EPHX1: variants seen among roughly 807,000 people sequenced by gnomAD.
EPHX1 encodes the protein epoxide hydrolase 1, also known as epoxide hydratase.
In EPHX1, 40 loss-of-function variants were observed where a neutral mutation model predicts 43.2. The ratio of observed to expected loss-of-function variants is 0.93; its 90% CI spans 0.72 to 1.21. EPHX1 has a LOEUF of 1.21. EPHX1 is among the 50% of genes most tolerant of loss of function. EPHX1 has a pLI of 0.00. For missense variants in EPHX1, 550 were observed against 570.4 expected (o/e 0.96, Z 0.36); for synonymous variants, 221 against 226.7 (o/e 0.98, Z 0.22).
At chr1:225,844,442 T>C (rs1668737388) in intron 7 of EPHX1, 56 bp from the exon 8 acceptor site, 1 of 1,613,498 alleles carries the variant, frequency 6.2e-7, no homozygotes, top group Non-Finnish European at 8.5e-7. Context: ...TGGCTGCCCT[T>C]TGTCACACAA....
intron 1 of EPHX1, among the ~76,000 whole-genome samples, chr1:225,819,318 T>C (rs1666877206): frequency 6.6e-6 from 1 of 151,574 alleles, no homozygotes; most frequent in Admixed American, 6.6e-5. Flanking sequence ...GGCAGGAGAC[T>C]TGCTTGAACC....
chr1:225,814,959 TAAGAG>T (rs1258816583), intron 1 of EPHX1, among the ~76,000 whole-genome samples: 1 of 152,278 alleles, frequency 6.6e-6, no homozygotes, highest in Non-Finnish European at 1.5e-5. Flanking sequence ...CCTGCAGTGA[TAAGAG>T]AAGACTGACT....
chr1:225,839,910 C>A lies in EPHX1; in HGVS notation c.804C>A (p.Phe268Leu). Residue 268 changes from phenylalanine (F) to leucine (L), a missense_variant, in exon 6 of 9, where the codon TTC becomes TTA. Coordinates refer to ENST00000272167, the MANE Select transcript of EPHX1 (RefSeq NM_001136018.4). ...STLTLLLGQRFGRFLGLTERD... is the reference protein window; with the variant it reads ...STLTLLLGQRLGRFLGLTERD... ...TGACCCTCCTCCTGGGACAGCGTTT[C>A]GGGAGGTTTCTTGGCCTCACTGAGA... 6.2e-7 allele frequency: 1 copy of A among 1,614,214 alleles called. No homozygotes were observed. Among genetic ancestry groups the A allele is most frequent in the Non-Finnish European group, 8.5e-7 (1 of 1,180,038 alleles).
At chr1:225,833,925 C>A (rs1470923594) in intron 3 of EPHX1, among the ~76,000 whole-genome samples, 2 of 145,740 alleles carry the variant, frequency 1.4e-5, no homozygotes, top group Non-Finnish European at 1.5e-5. Context: ...GGTGAAACCC[C>A]GTCTCTACTA....
At chr1:225,834,658 G>A (rs1477325816) in intron 3 of EPHX1, among the ~76,000 whole-genome samples, 1 of 150,590 alleles carries the variant, frequency 6.6e-6, no homozygotes, top group African/African-American at 2.4e-5. Context: ...GAGTGTTGCT[G>A]TATTCTTTAC....
intron 1 of EPHX1, chr1:225,810,609 G>T (rs113798642): frequency 0.11 from 16,852 of 152,488 alleles, 1,229 homozygotes; most frequent in Non-Finnish European, 0.15. Context: ...CACCAAACAG[G>T]CTTTGTGTGA....
intron 1 of EPHX1, among the ~76,000 whole-genome samples, chr1:225,811,303 C>CT (rs1320742294): frequency 6.6e-6 from 1 of 151,986 alleles, no homozygotes; most frequent in Non-Finnish European, 1.5e-5. Flanking sequence ...CTAATTTTGA[C>CT]TTTTTTTTCT....
chr1:225,816,914 G>A (rs1232916398), intron 1 of EPHX1, among the ~76,000 whole-genome samples: 13 of 152,196 alleles, frequency 8.5e-5, no homozygotes, highest in African/African-American at 2.7e-4. Context: ...GCATGGAGGT[G>A]GAGGGAATTC....
chr1:225,832,061 C>T lies in EPHX1; in HGVS notation c.364+102C>T. 4 of 1,299,976 alleles carry T rather than the reference C, an allele frequency of 3.1e-6. No individual in the cohort carries two copies. The South Asian group carries it at 4.9e-5, about 16-fold the overall frequency. The allele number at this position is 1,299,976 out of a possible 1,614,324, so 80.5% of individuals were successfully genotyped here. On this transcript the variant is annotated intron_variant, in intron 3 of 8. Coordinates refer to ENST00000272167, the MANE Select transcript of EPHX1 (RefSeq NM_001136018.4). ...AGATAAAGTTGGAGAGATTCAGAACCCAATTATAGGTGACTGAGATGTACT... is the reference window on the plus strand; with the variant it reads ...AGATAAAGTTGGAGAGATTCAGAACTCAATTATAGGTGACTGAGATGTACT...
Position 225,845,552 on chromosome 1 carries a change from T to TTTACTC in EPHX1, c.*207_*212dup. On this transcript the variant is annotated 3_prime_UTR_variant, in exon 9 of 9. Transcript: ENST00000272167. ...CAACATGGCTTTGATGATAAACGACTTTACTCTAAAAGCGGCTGGAACTCA... is the reference window on the plus strand; with the variant it reads ...CAACATGGCTTTGATGATAAACGACTTTACTCTTACTCTAAAAGCGGCTGGAACTCA... 2 of 617,640 alleles carry TTTACTC rather than the reference T, an allele frequency of 3.2e-6. No individual in the cohort carries two copies. The highest frequency in any genetic ancestry group is 5.7e-6 in the Non-Finnish European group (2 of 352,202). The allele number at this position is 617,640 out of a possible 1,614,324, so 38.3% of individuals were successfully genotyped here. A position where few individuals can be genotyped will look rare whatever the true frequency, so the allele number is the denominator to read the frequency against.
At chr1:225,812,888 C>T (rs1030231108) in intron 1 of EPHX1, among the ~76,000 whole-genome samples, 2 of 152,172 alleles carry the variant, frequency 1.3e-5, no homozygotes, top group African/African-American at 4.8e-5. Context: ...TGAAAACCCA[C>T]CTCTGCTAGG....
intron 3 of EPHX1, among the ~76,000 whole-genome samples, chr1:225,838,425 C>T (rs746951821): frequency 3.8e-4 from 58 of 152,160 alleles, no homozygotes; most frequent in Admixed American, 7.9e-4. Flanking sequence ...AGGCAATAAT[C>T]GTAGCTCCCT....
At position 225,818,926 on chromosome 1, in the gene EPHX1, TAA is replaced by T. The variant is rs546153231; in HGVS notation, c.-6+8776_-6+8777del. On this transcript the variant is annotated intron_variant, in intron 1 of 8. Transcript: ENST00000272167. ...CAATATAGTGAGAACCTGTCTCCAT[TAA>T]AAAAAAAAAAAAAAAAAAGGTTTGT... 7.3e-3 allele frequency among the ~76,000 whole-genome samples: 702 copies of T among 95,540 alleles called. 11 individuals are homozygous for T. Among genetic ancestry groups the T allele is most frequent in the African/African-American group, 0.027 (644 of 23,548 alleles). The allele number at this position is 95,540 out of a possible 152,430, so 62.7% of individuals were successfully genotyped here. A position where few individuals can be genotyped will look rare whatever the true frequency, so the allele number is the denominator to read the frequency against.
Position 225,831,960 on chromosome 1 carries a change from G to A in EPHX1, c.364+1G>A, listed in dbSNP as rs1667630566. ...CCTCACTTCAAGACTAAGATTGAAG[G>A]TATGTTTGCAAAACGCCAGCCAGAG... On this transcript the variant is annotated splice_donor_variant, in intron 3 of 8. Transcript: ENST00000272167. LOFTEE classifies it high-confidence loss of function. 6.2e-7 allele frequency: 1 copy of A among 1,613,898 alleles called. No individual in the cohort carries two copies.
intron 2 of EPHX1, among the ~76,000 whole-genome samples, chr1:225,829,578 G>A (rs1462246964): frequency 6.6e-6 from 1 of 152,178 alleles, no homozygotes; most frequent in African/African-American, 2.4e-5. Flanking sequence ...TTCTCGGGGA[G>A]GAGCAAGGCT....
chr1:225,815,876 A>G (rs1490872333), intron 1 of EPHX1, among the ~76,000 whole-genome samples: 1 of 152,150 alleles, frequency 6.6e-6, no homozygotes, highest in Non-Finnish European at 1.5e-5. Flanking sequence ...AGGAAAAGAC[A>G]CCTTGGGGAG....
At chr1:225,818,817 G>A (rs991817436) in intron 1 of EPHX1, among the ~76,000 whole-genome samples, 14 of 151,598 alleles carry the variant, frequency 9.2e-5, no homozygotes, top group Non-Finnish European at 1.9e-4. Flanking sequence ...GATCACTCTG[G>A]CCTGGCTCAT....
intron 7 of EPHX1, among the ~76,000 whole-genome samples, chr1:225,842,847 C>G (rs1267955682): frequency 6.6e-6 from 1 of 152,194 alleles, no homozygotes; most frequent in Admixed American, 6.5e-5. Flanking sequence ...CACGTGACTG[C>G]GTGTTCCAGG....
At position 225,839,361 on chromosome 1, in the gene EPHX1, G is replaced by C; in HGVS notation, c.722+15G>C. On this transcript the variant is annotated intron_variant, in intron 5 of 8. Transcript: ENST00000272167. ...CTGGTGCCCAGGTGAGGTCACTGTTGGGGTGGTGTGTGTGTGTGTGTGTGT... is the reference window on the plus strand; with the variant it reads ...CTGGTGCCCAGGTGAGGTCACTGTTCGGGTGGTGTGTGTGTGTGTGTGTGT... 2 of 1,600,976 alleles carry C rather than the reference G, an allele frequency of 1.2e-6. No homozygotes were observed. The highest frequency in any genetic ancestry group is 2.2e-5 in the South Asian group (2 of 90,452).
Sources: gnomAD v4.1 joint callset for allele counts (sites outside exome capture counted in the v4.1 genomes callset) on GRCh38, gnomAD v4.1.1 for gene constraint, MANE v1.5 for transcripts, NCBI Gene and HGNC (gene_info 2026-07-23, HGNC 2026-07-21) for gene names.